FZD4: variants seen among roughly 807,000 people sequenced by gnomAD.
FZD4 encodes frizzled class receptor 4.
Under a neutral mutation model 37.3 loss-of-function variants are expected in FZD4, and 16 were observed. The ratio of observed to expected loss-of-function variants is 0.43; its 90% confidence interval spans 0.29 to 0.65. The LOEUF is 0.65. Among genes scored for constraint, FZD4 ranks in the 30% least tolerant of loss-of-function variants. The probability of loss-of-function intolerance (pLI) is 0.16; values close to 1 mark genes in which losing one functional copy is unlikely to be tolerated. For synonymous variants in FZD4, 246 were observed against 254.8 expected, an observed-to-expected ratio of 0.97 and a Z score of 0.33; for missense variants, 599 against 674.3, an observed-to-expected ratio of 0.89 and a Z score of 1.24.
Position 86,955,013 on chromosome 11 carries a change from G to A in FZD4, c.73C>T (p.Leu25=), listed in dbSNP as rs746558042. The A allele has an allele frequency of 1.2e-6, 2 of 1,612,776 alleles. No individual in the cohort carries two copies. Among genetic ancestry groups the A allele is most frequent in the African/African-American group, 2.7e-5 (2 of 75,040 alleles). ...GGVGLSLGLL[L]QLLLLLGPAR... is the part of the protein sequence containing the mutation. ...GGCCCCAGGAGCAGCAGCAACTGCA[G>A]GAGCAACCCCAGACTGAGACCGACG... Residue 25 remains leucine, a synonymous_variant, in exon 1 of 2, where the codon CTG becomes TTG. Transcript: ENST00000531380.
chr11:86,954,286 C>T (rs1376277952), intron 1 of FZD4: 1 of 985,166 alleles, frequency 1.0e-6, no homozygotes. Flanking sequence ...CTCAAGCCAA[C>T]CCAACCACTC....
At position 86,955,041 on chromosome 11, in the gene FZD4, C is replaced by T. The variant is rs1372424362; in HGVS notation, c.45G>A (p.Gly15=). ...GCAACCCCAGACTGAGACCGACGCC[C>T]CCGGGCGCCCCCGGGACGCTCGGCC... ...GAGPSVPGAP[G]GVGLSLGLLL... The change falls in exon 1 of 2, where the codon GGG becomes GGA. Residue 15 remains glycine, a synonymous_variant. Transcript: ENST00000531380. The T allele has an allele frequency of 3.1e-6, 5 of 1,604,738 alleles. No homozygotes were observed. The highest frequency in any genetic ancestry group is 1.3e-5 in the African/African-American group (1 of 74,752).
rs1197744352 is a variant in FZD4 at position 86,951,583 on chromosome 11, C to G, written c.1173G>C (p.Val391=). The stretch of plus-strand genomic sequence containing the variant: ...CCAAATAAGTAAAGAGGGGAGCCAC[C>G]ACGAACCCGGTGAGGGCATCGAGAT... ...NQNLDALTGF[V]VAPLFTYLVI... Residue 391 remains valine (V), a synonymous_variant, in exon 2 of 2, where the codon GTG becomes GTC. Transcript: ENST00000531380. 3 of 1,614,074 alleles carry G rather than the reference C, an allele frequency of 1.9e-6. No homozygotes were observed. The highest frequency in any genetic ancestry group is 1.3e-5 in the African/African-American group (1 of 75,016).
intron 1 of FZD4, 32 bp downstream of exon 1, chr11:86,954,769 G>A (rs186342366): frequency 3.5e-4 from 546 of 1,572,752 alleles, no homozygotes; most frequent in Non-Finnish European, 4.4e-4. Context: ...TCCCCAAGGG[G>A]TCCCGCCAGG....
In FZD4 at chr11:86,955,214, G is replaced by A; in HGVS notation, c.-129C>T. 1 of 704,334 alleles carries A rather than the reference G, an allele frequency of 1.4e-6. No individual in the cohort carries two copies. Among genetic ancestry groups the A allele is most frequent in the Non-Finnish European group, 2.1e-6 (1 of 470,202 alleles). The allele number at this position is 704,334 out of a possible 1,614,324, so 43.6% of individuals were successfully genotyped here. On this transcript the variant is annotated 5_prime_UTR_variant, in exon 1 of 2. Transcript: ENST00000531380. Reference sequence around the variant, plus strand: ...ACGGGAGTGTGATGCGGCGACGAGGGGGCAGCGGCCGGCTCTCCAGCAGCT... The same window carrying A: ...ACGGGAGTGTGATGCGGCGACGAGGAGGCAGCGGCCGGCTCTCCAGCAGCT...
At chr11:86,954,691 G>A in intron 1 of FZD4, 110 bp downstream of exon 1, 10 of 1,450,638 alleles carry the variant, frequency 6.9e-6, no homozygotes, top group Non-Finnish European at 8.2e-6. Flanking sequence ...TTTTCCAGGA[G>A]AGCTGTCTCC....
rs754483582 is a variant in FZD4, at chr11:86,952,041, G to C, written c.715C>G (p.Leu239Val). 6.2e-7 allele frequency: 1 copy of C among 1,614,000 alleles called. No individual in the cohort carries two copies. The highest frequency in any genetic ancestry group is 1.3e-5 in the African/African-American group (1 of 74,922). The change falls in exon 2 of 2, where the codon CTG becomes GTG. Residue 239 changes from leucine (L) to valine (V), a missense_variant. This residue lies in a region of FZD4 where 357 missense variants were observed against 396.1 expected (regional missense o/e 0.90). Coordinates refer to ENST00000531380, the MANE Select transcript of FZD4 (RefSeq NM_012193.4). ...CTAGAAGAATCGATCAGGAAGGTCA[G>C]TACTGTGAAGGCAGTGGAGATGAAA... The part of the protein sequence containing the change: ...LCFISTAFTV[L>V]TFLIDSSRFS...
Position 86,951,007 on chromosome 11 carries a change from G to A in FZD4, c.*135C>T, listed in dbSNP as rs377696818. The A allele has an allele frequency of 5.2e-4, 489 of 931,626 alleles. 5 individuals carry two copies. The East Asian group carries it at 0.011, about 22-fold the overall frequency. 57.7% of individuals were successfully genotyped at this position (931,626 alleles called of 1,614,324 possible). On this transcript the variant is annotated 3_prime_UTR_variant, in exon 2 of 2. Transcript: ENST00000531380. The stretch of plus-strand genomic sequence containing the variant: ...TGCTGGGGTCGGGGTGGGAGGCAGT[G>A]GGTTGACGGGGGTCACTTAATTGTT...
At position 86,954,959 on chromosome 11, in the gene FZD4, G is replaced by C; in HGVS notation, c.127C>G (p.Arg43Gly). 6.2e-7 allele frequency: 1 copy of C among 1,613,600 alleles called. No individual in the cohort carries two copies. The highest frequency in any genetic ancestry group is 8.5e-7 in the Non-Finnish European group (1 of 1,179,886). Residue 43 changes from arginine to glycine, a missense_variant, in exon 1 of 2, where the codon CGG becomes GGG. Physicochemically the swap from Arg to Gly is moderately radical, Grantham distance 125. This residue lies in a region of FZD4 where 357 missense variants were observed against 396.1 expected (regional missense o/e 0.90). Transcript: ENST00000531380. ...PARGFGDEEERRCDPIRISMC... is the reference protein window; with the variant it reads ...PARGFGDEEEGRCDPIRISMC... ...GAGATGCGGATGGGGTCGCAGCGCC[G>C]CTCTTCCTCGTCCCCGAAGCCCCGC... is the stretch of plus-strand genomic sequence containing the variant.
rs1949240109 is a variant in FZD4 at position 86,946,081 on chromosome 11, C to A, written c.*5061G>T. On this transcript the variant is annotated 3_prime_UTR_variant, in exon 2 of 2. Coordinates refer to ENST00000531380, the MANE Select transcript of FZD4 (RefSeq NM_012193.4). ...AGCTCAAGGGGCCATCATTTTTTGA[C>A]CTTTTCAAGCCTCACAACATCCCTG... 1 of 152,416 alleles carries A rather than the reference C, an allele frequency of 6.6e-6. No individual in the cohort carries two copies. The highest frequency in any genetic ancestry group is 2.4e-5 in the African/African-American group (1 of 41,398). 9.4% of individuals were successfully genotyped at this position (152,416 alleles called of 1,614,324 possible).
At chr11:86,953,026 G>A (rs1229977996) in intron 1 of FZD4, 2 of 152,894 alleles carry the variant, frequency 1.3e-5, no homozygotes, top group Admixed American at 6.5e-5. Context: ...CTCAAGGATG[G>A]GATGCAGATT....
At position 86,952,210 on chromosome 11, in the gene FZD4, G is replaced by A. The variant is rs756589557; in HGVS notation, c.546C>T (p.His182=). Residue 182 remains histidine (H), a synonymous_variant, in exon 2 of 2, where the codon CAC becomes CAT. Coordinates refer to ENST00000531380, the MANE Select transcript of FZD4 (RefSeq NM_012193.4). The part of the protein sequence containing the change: ...KTPIQPGEEC[H]SVGTNSDQYI... Reference sequence around the variant, plus strand: ...ACTGATCAGAATTGGTTCCCACAGAGTGACACTCTTCCCCAGGCTGGATGG... The same window carrying A: ...ACTGATCAGAATTGGTTCCCACAGAATGACACTCTTCCCCAGGCTGGATGG... 3 of 1,613,796 alleles carry A rather than the reference G, an allele frequency of 1.9e-6. No individual in the cohort carries two copies. Among genetic ancestry groups the A allele is most frequent in the Non-Finnish European group, 2.5e-6 (3 of 1,179,876 alleles).
At chr11:86,954,395 T>C (rs778433849) in intron 1 of FZD4, 15 of 984,922 alleles carry the variant, frequency 1.5e-5, no homozygotes, top group East Asian at 1.1e-4. Flanking sequence ...ACCCCAAAAA[T>C]AGTGGGGAGA....
Position 86,948,265 on chromosome 11 carries a change from G to C in FZD4, c.*2877C>G, listed in dbSNP as rs1247463565. On this transcript the variant is annotated 3_prime_UTR_variant, in exon 2 of 2. Transcript: ENST00000531380. The stretch of plus-strand genomic sequence containing the variant: ...ACAGATGGGAATTCCAGAGGTCCCT[G>C]CTCCTTTCCCAGAGGAACAGTAAAG... The C allele has an allele frequency of 6.6e-6, 1 of 152,134 alleles. No individual in the cohort carries two copies. The highest frequency in any genetic ancestry group is 2.4e-5 in the African/African-American group (1 of 41,420). 9.4% of individuals were successfully genotyped at this position (152,134 alleles called of 1,614,324 possible).
intron 1 of FZD4, chr11:86,952,798 C>A: frequency 5.2e-6 from 1 of 191,022 alleles, no homozygotes; most frequent in Non-Finnish European, 1.1e-5. Context: ...CTTTCAATCT[C>A]CTTCCATTTT....
chr11:86,951,441 C>G lies in FZD4; in HGVS notation c.1315G>C (p.Val439Leu). ...KLERLMVKIG[V>L]FSVLYTVPAT... ...GGAACTGTGTACAGTACTGAGAACA[C>G]CCCAATCTTGACCATCAGTCTTTCT... Residue 439 changes from valine to leucine, a missense_variant, in exon 2 of 2, where the codon GTG (valine) becomes CTG (leucine). Val to Leu is a conservative substitution (Grantham distance 32, BLOSUM62 1). Around this residue, in one of 3 missense-constraint regions of FZD4, gnomAD observed 203 missense variants for 196.8 expected, o/e 1.03. Transcript: ENST00000531380. The G allele has an allele frequency of 6.2e-7, 1 of 1,613,400 alleles. No individual in the cohort carries two copies. Among genetic ancestry groups the G allele is most frequent in the Middle Eastern group, 1.6e-4 (1 of 6,062 alleles).
rs1262279998 is a variant in FZD4, at chr11:86,949,738, T to C, written c.*1404A>G. ...CTGGGCTATTAGAGTTTGCAGTTCA[T>C]TTCATATGGTCTACACTTTATTCCC... On this transcript the variant is annotated 3_prime_UTR_variant, in exon 2 of 2. Transcript: ENST00000531380. 2.0e-5 allele frequency: 3 copies of C among 152,698 alleles called. No homozygotes were observed. The highest frequency in any genetic ancestry group is 4.4e-5 in the Non-Finnish European group (3 of 68,056). The allele number at this position is 152,698 out of a possible 1,614,324, so 9.5% of individuals were successfully genotyped here.
chr11:86,951,341 G>A lies in FZD4; in HGVS notation c.1415C>T (p.Ser472Phe), dbSNP rs1413356238. ...WALFRYSADD[S>F]NMAVEMLKIF... Reference sequence around the variant, plus strand: ...TTTCAACATTTCAACAGCCATGTTGGAATCATCTGCAGAATACCGAAAAAG... The same window carrying A: ...TTTCAACATTTCAACAGCCATGTTGAAATCATCTGCAGAATACCGAAAAAG... The change falls in exon 2 of 2, where the codon TCC (serine) becomes TTC (phenylalanine). Residue 472 changes from serine to phenylalanine, a missense_variant. This residue lies in a region of FZD4 where 203 missense variants were observed against 196.8 expected (regional missense o/e 1.03). Coordinates refer to ENST00000531380, the MANE Select transcript of FZD4 (RefSeq NM_012193.4). The A allele has an allele frequency of 6.2e-6, 10 of 1,612,622 alleles. No homozygotes were observed. The highest frequency in any genetic ancestry group is 8.5e-6 in the Non-Finnish European group (10 of 1,178,736).
chr11:86,955,141 C>A lies in FZD4; in HGVS notation c.-56G>T. On this transcript the variant is annotated 5_prime_UTR_variant, in exon 1 of 2. Transcript: ENST00000531380. ...CTGGGGCTGCTCTGGCAGACACCCC[C>A]AGTTTGCACGGGGGCGCCGGCTGCC... 1 of 1,332,724 alleles carries A rather than the reference C, an allele frequency of 7.5e-7. No homozygotes were observed. The highest frequency in any genetic ancestry group is 9.7e-7 in the Non-Finnish European group (1 of 1,027,642). 82.6% of individuals were successfully genotyped at this position (1,332,724 alleles called of 1,614,324 possible).
Sources: allele counts gnomAD v4.1 joint callset, GRCh38; gene constraint gnomAD v4.1.1; regional missense constraint gnomAD v4.1.1; transcripts MANE v1.5; gene names NCBI Gene and HGNC (gene_info 2026-07-23, HGNC 2026-07-21).